CLCC1: variants seen among roughly 807,000 people sequenced by gnomAD.
CLCC1 encodes chloride channel CLIC like 1, also known as chloride channel CLIC-like protein 1.
Under a neutral mutation model 63.3 loss-of-function variants are expected in CLCC1, and 39 were observed. The observed-to-expected ratio is 0.62, with a 90% CI of 0.48 to 0.81. The LOEUF is 0.81. Among genes scored for constraint, CLCC1 ranks in the 30% least tolerant of loss-of-function variants. The pLI is 0.00. For missense variants in CLCC1, 549 were observed against 669.4 expected, an observed-to-expected ratio of 0.82 and a Z score of 1.98; for synonymous variants, 217 against 239.8, an observed-to-expected ratio of 0.90 and a Z score of 0.88.
chr1:108,942,968 T>G (rs1009315566), intron 7 of CLCC1, among the ~76,000 whole-genome samples: 8 of 152,002 alleles, frequency 5.3e-5, no homozygotes, highest in African/African-American at 1.7e-4. Context: ...CAGGCTGGAG[T>G]GCAGCAGCGC....
intron 11 of CLCC1, among the ~76,000 whole-genome samples, chr1:108,936,340 G>A (rs1488024296): frequency 1.3e-5 from 2 of 152,224 alleles, no homozygotes; most frequent in Non-Finnish European, 1.5e-5. Context: ...CCAGTGATCC[G>A]CCTGCCTCGG....
At chr1:108,961,759 T>C (rs936101013) in intron 2 of CLCC1, among the ~76,000 whole-genome samples, 1 of 151,706 alleles carries the variant, frequency 6.6e-6, no homozygotes, top group Non-Finnish European at 1.5e-5. Context: ...CTCGGGAGGC[T>C]GGGGCAGGAG....
intron 10 of CLCC1, 152 bp from the exon 11 acceptor site, chr1:108,937,570 T>C: frequency 3.1e-6 from 2 of 647,586 alleles, no homozygotes; most frequent in Non-Finnish European, 5.0e-6. Flanking sequence ...TTTTTTTCAT[T>C]AGAGACCTCT....
chr1:108,931,374 A>G lies in CLCC1; in HGVS notation c.*1173T>C. 4 of 1,551,166 alleles carry G rather than the reference A, an allele frequency of 2.6e-6. No homozygotes were observed. The highest frequency in any genetic ancestry group is 2.6e-6 in the Non-Finnish European group (3 of 1,147,098). Reference sequence around the variant, plus strand: ...TAACTAACTAACTGTAGCAAAAGACAAGTATGGGACAGACTGGGACCTGGA... The same window carrying G: ...TAACTAACTAACTGTAGCAAAAGACGAGTATGGGACAGACTGGGACCTGGA... On this transcript the variant is annotated 3_prime_UTR_variant, in exon 13 of 13. Transcript: ENST00000369969.
chr1:108,954,817 CGT>C (rs58482013), intron 2 of CLCC1, among the ~76,000 whole-genome samples: 30,188 of 140,190 alleles, frequency 0.22, 3,388 homozygotes, highest in African/African-American at 0.26. Flanking sequence ...ACTGTCTTTG[CGT>C]GTGTGTGTGT....
At chr1:108,961,815 C>T (rs1384912993) in intron 2 of CLCC1, among the ~76,000 whole-genome samples, 1 of 151,732 alleles carries the variant, frequency 6.6e-6, no homozygotes, top group Non-Finnish European at 1.5e-5. Flanking sequence ...GCCGAGATCG[C>T]GCCATTGCAC....
Position 108,939,706 on chromosome 1 carries a change from T to C in CLCC1, c.971A>G (p.Lys324Arg). The change falls in exon 10 of 13, where the codon AAA (lysine) becomes AGA (arginine). Residue 324 changes from lysine to arginine, a missense_variant. Lys to Arg is a conservative substitution (Grantham distance 26, BLOSUM62 2). Transcript: ENST00000369969. ...CGCTGGAATTTCCTTCATGAGTGCTTTAATAAATTCCCCAGTTCCTTTTCC... is the reference window on the plus strand; with the variant it reads ...CGCTGGAATTTCCTTCATGAGTGCTCTAATAAATTCCCCAGTTCCTTTTCC... ...HIGKGTGEFIKALMKEIPALL... is the reference protein window; with the variant it reads ...HIGKGTGEFIRALMKEIPALL... The C allele has an allele frequency of 6.2e-7, 1 of 1,614,126 alleles. No individual in the cohort carries two copies. The highest frequency in any genetic ancestry group is 1.3e-5 in the African/African-American group (1 of 75,032).
rs374499406 is a variant in CLCC1 at position 108,961,197 on chromosome 1, T to G, written c.-12+1112A>C. 8.7e-4 allele frequency among the ~76,000 whole-genome samples: 131 copies of G among 149,986 alleles called. 6 individuals carry two copies. In the South Asian group the frequency reaches 0.026, roughly 30 times the overall value. ...CTGCCAGATCCCCATGGTCACTGAT[T>G]GAAGGCTGGAACTCCTTGAGAAATC... On this transcript the variant is annotated intron_variant, in intron 2 of 12. Transcript: ENST00000369969.
chr1:108,945,308 T>TAA (rs1356981286), intron 5 of CLCC1, among the ~76,000 whole-genome samples: 1 of 152,180 alleles, frequency 6.6e-6, no homozygotes, highest in Non-Finnish European at 1.5e-5. Context: ...TGATGCTGTT[T>TAA]AATGATTGGT....
rs551663817 is a variant in CLCC1, at chr1:108,955,569, A to G, written c.-11-5121T>C. Reference sequence around the variant, plus strand: ...GATGGTTAAGTGTCAACTTGACTGGACTAAGGAAAACCTAGAGAACTGCAA... The same window carrying G: ...GATGGTTAAGTGTCAACTTGACTGGGCTAAGGAAAACCTAGAGAACTGCAA... On this transcript the variant is annotated intron_variant, in intron 2 of 12. Transcript: ENST00000369969. Among the ~76,000 whole-genome samples, 6 of 151,586 alleles carry G rather than the reference A, an allele frequency of 4.0e-5. No homozygotes were observed. The East Asian group carries it at 9.6e-4, about 24-fold the overall frequency.
Position 108,939,742 on chromosome 1 carries a change from A to G in CLCC1, c.935T>C (p.Leu312Ser). The change falls in exon 10 of 13, where the codon TTG (leucine) becomes TCG (serine). Residue 312 changes from leucine to serine, a missense_variant. Coordinates refer to ENST00000369969, the MANE Select transcript of CLCC1 (RefSeq NM_001377458.1). Reference sequence around the variant, plus strand: ...CCCAGTTCCTTTTCCAATATGCTTCAATGGCTCCGTTACAAATGTGGTGAA... The same window carrying G: ...CCCAGTTCCTTTTCCAATATGCTTCGATGGCTCCGTTACAAATGTGGTGAA... Reference protein sequence around the residue: ...VTFTTFVTEPLKHIGKGTGEF... With the variant: ...VTFTTFVTEPSKHIGKGTGEF... The G allele has an allele frequency of 6.2e-7, 1 of 1,614,158 alleles. No individual in the cohort carries two copies. The highest frequency in any genetic ancestry group is 8.5e-7 in the Non-Finnish European group (1 of 1,180,022).
rs1482456880 is a variant in CLCC1, at chr1:108,937,072, C to T, written c.1383+5G>A. 1 of 1,485,022 alleles carries T rather than the reference C, an allele frequency of 6.7e-7. No homozygotes were observed. Among genetic ancestry groups the T allele is most frequent in the Non-Finnish European group, 8.9e-7 (1 of 1,117,390 alleles). 92.0% of individuals were successfully genotyped at this position (1,485,022 alleles called of 1,614,324 possible). Reference sequence around the variant, plus strand: ...GACAGCAGAATAAAAGAGTTGCTGACTTACACTGGGTACCACCGTGGGATG... The same window carrying T: ...GACAGCAGAATAAAAGAGTTGCTGATTTACACTGGGTACCACCGTGGGATG... On this transcript the variant is annotated splice_donor_5th_base_variant and intron_variant, in intron 11 of 12. Transcript: ENST00000369969.
intron 4 of CLCC1, among the ~76,000 whole-genome samples, chr1:108,947,975 T>A (rs1025850480): frequency 6.6e-6 from 1 of 152,198 alleles, no homozygotes; most frequent in Non-Finnish European, 1.5e-5. Context: ...CTGCTGACTT[T>A]CAGCAACTTT....
At position 108,931,184 on chromosome 1, in the gene CLCC1, G is replaced by A. The variant is rs149700491; in HGVS notation, c.*1363C>T. On this transcript the variant is annotated 3_prime_UTR_variant, in exon 13 of 13. Transcript: ENST00000369969. ...TATAAAAACAAAAAACAAAACCCAT[G>A]TGGTTAGGTCAAGAACCTAGGACAC... 13,919 of 912,980 alleles carry A rather than the reference G, an allele frequency of 0.015. 269 individuals are homozygous for A. The highest frequency in any genetic ancestry group is 0.096 in the Admixed American group (2,873 of 29,994). 56.6% of individuals were successfully genotyped at this position (912,980 alleles called of 1,614,324 possible). A position where few individuals can be genotyped will look rare whatever the true frequency, so the allele number is the denominator to read the frequency against.
Position 108,930,076 on chromosome 1 carries a change from G to A in CLCC1, c.*2471C>T. 1 of 832,552 alleles carries A rather than the reference G, an allele frequency of 1.2e-6. No homozygotes were observed. Among genetic ancestry groups the A allele is most frequent in the Non-Finnish European group, 1.9e-6 (1 of 532,332 alleles). The allele number at this position is 832,552 out of a possible 1,614,324, so 51.6% of individuals were successfully genotyped here. The stretch of plus-strand genomic sequence containing the variant: ...GAATGATGTAAATAGTTAACCTTCA[G>A]TAGTCTATTAAGGCATTAATACTTC... On this transcript the variant is annotated 3_prime_UTR_variant, in exon 13 of 13. Transcript: ENST00000369969.
chr1:108,929,829 T>C lies in CLCC1; in HGVS notation c.*2718A>G. 6.2e-7 allele frequency: 1 copy of C among 1,614,128 alleles called. No individual in the cohort carries two copies. The highest frequency in any genetic ancestry group is 8.5e-7 in the Non-Finnish European group (1 of 1,179,974). ...GAAAGAGAATGGATGAACAGAGAGTTCTTTTACAAAGAGATCAAAACAGAG... is the reference window on the plus strand; with the variant it reads ...GAAAGAGAATGGATGAACAGAGAGTCCTTTTACAAAGAGATCAAAACAGAG... On this transcript the variant is annotated 3_prime_UTR_variant, in exon 13 of 13. Coordinates refer to ENST00000369969, the MANE Select transcript of CLCC1 (RefSeq NM_001377458.1).
Position 108,939,763 on chromosome 1 carries a change from G to GT in CLCC1, c.913dup (p.Thr305AsnfsTer20). ...CTTCAATGGCTCCGTTACAAATGTG[G>GT]TGAATGTAACTGCAAGTGCCTAAAA... On this transcript the variant is annotated frameshift_variant, in exon 10 of 13. Coordinates refer to ENST00000369969, the MANE Select transcript of CLCC1 (RefSeq NM_001377458.1). LOFTEE classifies it high-confidence loss of function. 1 of 1,614,016 alleles carries GT rather than the reference G, an allele frequency of 6.2e-7. No homozygotes were observed. The highest frequency in any genetic ancestry group is 8.5e-7 in the Non-Finnish European group (1 of 1,179,962).
Position 108,941,403 on chromosome 1 carries a change from A to T in CLCC1, c.796+2T>A. On this transcript the variant is annotated splice_donor_variant, in intron 8 of 12. Coordinates refer to ENST00000369969, the MANE Select transcript of CLCC1 (RefSeq NM_001377458.1). LOFTEE classifies it high-confidence loss of function. The stretch of plus-strand genomic sequence containing the variant: ...ATAAGGACAAGTGCACAAACACCTT[A>T]CCCCAGATACTTCCAGTCCAGTCCA... 6.2e-7 allele frequency: 1 copy of T among 1,612,860 alleles called. No individual in the cohort carries two copies. Among genetic ancestry groups the T allele is most frequent in the Non-Finnish European group, 8.5e-7 (1 of 1,179,230 alleles).
At chr1:108,961,336 T>G (rs766575321) in intron 2 of CLCC1, among the ~76,000 whole-genome samples, 3 of 148,564 alleles carry the variant, frequency 2.0e-5, no homozygotes, top group Non-Finnish European at 4.4e-5. Flanking sequence ...AGGTCTGAGA[T>G]CTCCACTTCT....
Sources: allele counts gnomAD v4.1 joint callset (sites outside exome capture counted in the v4.1 genomes callset), GRCh38; gene constraint gnomAD v4.1.1; transcripts MANE v1.5; gene names NCBI Gene and HGNC (gene_info 2026-07-23, HGNC 2026-07-21).